The following LYPLAL1 variants were observed in gnomAD, a reference collection of about 807,000 sequenced individuals.
LYPLAL1 encodes the protein lysophospholipase-like protein 1.
LYPLAL1 carries 23 observed loss-of-function variants against 19.7 expected under a neutral mutation model. The ratio of observed to expected loss-of-function variants is 1.17; its 90% CI spans 0.84 to 1.65. The LOEUF (loss-of-function observed/expected upper bound fraction) is 1.65. Ranked by LOEUF, LYPLAL1 falls within the 40% of genes most tolerant of loss-of-function variation. The pLI, the probability that LYPLAL1 is intolerant of heterozygous loss-of-function variation, is 0.00. For missense variants in LYPLAL1, 355 were observed against 279.4 expected (o/e 1.27, Z -1.93); for synonymous variants, 119 against 96.3 (o/e 1.24, Z -1.38).
chr1:219,399,553 TG>T, the LYPLAL1 span, among the ~76,000 whole-genome samples: 1 of 152,252 alleles, frequency 6.6e-6, no homozygotes, highest in East Asian at 1.9e-4. Flanking sequence ...GGATTTGCTG[TG>T]GGGCCCAGCA....
At position 219,191,411 on chromosome 1, in the gene LYPLAL1, A is replaced by C. The variant is rs1188529573; in HGVS notation, c.192-1671A>C. Among the ~76,000 whole-genome samples the C allele has an allele frequency of 2.6e-5, 4 of 151,766 alleles. No homozygotes were observed. In the East Asian group the frequency reaches 7.7e-4, roughly 29 times the overall value. On this transcript the variant is annotated intron_variant, in intron 2 of 4. Coordinates refer to ENST00000366928, the MANE Select transcript of LYPLAL1 (RefSeq NM_138794.5). ...CAGAATATGCTTATCATAGGATATA[A>C]TATAGCCATTAAAAGGGTAAGTTAG...
chr1:219,196,110 TA>T (rs1657582241), intron 3 of LYPLAL1, among the ~76,000 whole-genome samples: 1 of 152,208 alleles, frequency 6.6e-6, no homozygotes, highest in African/African-American at 2.4e-5. Context: ...TCATGTCTGC[TA>T]TTGTGAATAC....
At chr1:219,350,299 A>G in the LYPLAL1 span, among the ~76,000 whole-genome samples, 2 of 151,892 alleles carry the variant, frequency 1.3e-5, no homozygotes, top group Non-Finnish European at 2.9e-5. Flanking sequence ...TTTTTTTTCA[A>G]TGTCAAAACT....
chr1:219,411,137 A>G, the LYPLAL1 span, among the ~76,000 whole-genome samples: 1 of 121,888 alleles, frequency 8.2e-6, no homozygotes. Context: ...GGACGTGGAG[A>G]GTCTTTATAT....
At chr1:219,192,420 A>G (rs1333317797) in intron 2 of LYPLAL1, among the ~76,000 whole-genome samples, 3 of 151,572 alleles carry the variant, frequency 2.0e-5, no homozygotes, top group Non-Finnish European at 4.4e-5. Flanking sequence ...AGTTCTTTCA[A>G]ATTACTATAG....
chr1:219,368,878 G>A, the LYPLAL1 span, among the ~76,000 whole-genome samples: 1 of 152,178 alleles, frequency 6.6e-6, no homozygotes. Flanking sequence ...CTATGAATGA[G>A]CTGATGAATC....
chr1:219,294,230 C>T, the LYPLAL1 span, among the ~76,000 whole-genome samples: 1 of 152,282 alleles, frequency 6.6e-6, no homozygotes, highest in South Asian at 2.1e-4. Context: ...AGGATGCCTG[C>T]CTTTGTCAAA....
At chr1:219,384,842 T>C in the LYPLAL1 span, among the ~76,000 whole-genome samples, 2 of 152,188 alleles carry the variant, frequency 1.3e-5, no homozygotes, top group Non-Finnish European at 2.9e-5. Flanking sequence ...GAAATATATA[T>C]AGCTCATCCA....
At chr1:219,439,962 T>TATATATATATATATATATATATATACAC in the LYPLAL1 span, among the ~76,000 whole-genome samples, 21 of 71,632 alleles carry the variant, frequency 2.9e-4, no homozygotes, top group African/African-American at 1.4e-3. Context: ...AAACTGACTA[T>TATATATATATATATATATATATATACAC]ATATATATAT....
chr1:219,243,124 A>G, the LYPLAL1 span, among the ~76,000 whole-genome samples: 2 of 152,222 alleles, frequency 1.3e-5, no homozygotes, highest in African/African-American at 2.4e-5. Context: ...CTCTACATTT[A>G]TGAATTTCCT....
At chr1:219,362,266 A>G in the LYPLAL1 span, among the ~76,000 whole-genome samples, 6 of 152,276 alleles carry the variant, frequency 3.9e-5, no homozygotes, top group South Asian at 2.1e-4. Flanking sequence ...TAGGCTTCCT[A>G]TGATTTCTGC....
At chr1:219,181,508 ATTAT>A (rs1231311644) in intron 2 of LYPLAL1, among the ~76,000 whole-genome samples, 9 of 152,216 alleles carry the variant, frequency 5.9e-5, no homozygotes, top group African/African-American at 2.2e-4. Flanking sequence ...TAAATATTAA[ATTAT>A]TTAATTGCAA....
At chr1:219,185,478 TTTTC>T (rs1302790589) in intron 2 of LYPLAL1, among the ~76,000 whole-genome samples, 1 of 151,976 alleles carries the variant, frequency 6.6e-6, no homozygotes, top group African/African-American at 2.4e-5. Context: ...CCACTAATTT[TTTTC>T]TTTCTTTTTA....
the LYPLAL1 span, among the ~76,000 whole-genome samples, chr1:219,255,267 T>C: frequency 6.6e-6 from 1 of 151,588 alleles, no homozygotes; most frequent in African/African-American, 2.4e-5. Context: ...TACTTTAATT[T>C]CTCTCAATAA....
Position 219,183,595 on chromosome 1 carries a change from C to G in LYPLAL1, c.191+4349C>G, listed in dbSNP as rs1210655076. Among the ~76,000 whole-genome samples, 3 of 151,994 alleles carry G rather than the reference C, an allele frequency of 2.0e-5. No individual in the cohort carries two copies. The East Asian group carries it at 5.8e-4, about 29-fold the overall frequency. On this transcript the variant is annotated intron_variant, in intron 2 of 4. Transcript: ENST00000366928. The stretch of plus-strand genomic sequence containing the variant: ...CCTTGTGCTTCTTTCAAGTCAACTC[C>G]CATCTCATGTATTATTGTTTGCATA...
chr1:219,334,554 T>TGA, the LYPLAL1 span, among the ~76,000 whole-genome samples: 2 of 151,780 alleles, frequency 1.3e-5, no homozygotes, highest in African/African-American at 2.4e-5. Flanking sequence ...TGTGTGTGTG[T>TGA]GTGTGTTTAA....
At chr1:219,401,836 A>G in the LYPLAL1 span, among the ~76,000 whole-genome samples, 11 of 152,326 alleles carry the variant, frequency 7.2e-5, no homozygotes, top group Admixed American at 5.2e-4. Flanking sequence ...TTCTAGAACT[A>G]GGGATGGATA....
the LYPLAL1 span, among the ~76,000 whole-genome samples, chr1:219,218,172 A>T: frequency 2.2e-4 from 33 of 152,212 alleles, no homozygotes; most frequent in African/African-American, 7.7e-4. Flanking sequence ...ATTGAAGTAT[A>T]ACAAAATGAA....
chr1:219,400,499 CTT>C, the LYPLAL1 span, among the ~76,000 whole-genome samples: 133 of 144,266 alleles, frequency 9.2e-4, no homozygotes, highest in East Asian at 5.1e-3. Context: ...GTCTATCTAT[CTT>C]TTTTTTTTTT....
Sources: gnomAD v4.1 joint callset for allele counts (sites outside exome capture counted in the v4.1 genomes callset) on GRCh38, gnomAD v4.1.1 for gene constraint, MANE v1.5 for transcripts, NCBI Gene and HGNC (gene_info 2026-07-23, HGNC 2026-07-21) for gene names.